Variants in NCAPG2 observed in about 807,000 individuals in gnomAD.
The protein encoded by NCAPG2 is condensin-2 complex subunit G2.
In NCAPG2, 53 loss-of-function variants were observed where a neutral mutation model predicts 141.1. The ratio of observed to expected loss-of-function variants is 0.38; its 90% CI spans 0.30 to 0.47. The LOEUF is 0.47. Among genes scored for constraint, NCAPG2 ranks in the 20% least tolerant of loss-of-function variants. NCAPG2 has a pLI of 0.99. For missense variants in NCAPG2, 1,087 were observed against 1,389.0 expected, an observed-to-expected ratio of 0.78 and a Z score of 3.46; for synonymous variants, 499 against 490.7, an observed-to-expected ratio of 1.02 and a Z score of -0.22.
Position 158,699,622 on chromosome 7 carries a change from C to T in NCAPG2, c.78+2200G>A, listed in dbSNP as rs1017122251. ...CTGCACCCTCCCCAGGCCCACCGTGCTCTCCAATGCTCTGTATTCCCCTCT... is the reference window on the plus strand; with the variant it reads ...CTGCACCCTCCCCAGGCCCACCGTGTTCTCCAATGCTCTGTATTCCCCTCT... On this transcript the variant is annotated intron_variant, in intron 2 of 27. Coordinates refer to ENST00000356309, the MANE Select transcript of NCAPG2 (RefSeq NM_017760.7). 2.0e-5 allele frequency among the ~76,000 whole-genome samples: 3 copies of T among 152,140 alleles called. No individual in the cohort carries two copies. The South Asian group carries it at 6.2e-4, about 32-fold the overall frequency.
In NCAPG2 at chr7:158,645,112, G is replaced by A. The variant is rs1439249128; in HGVS notation, c.3280+407C>T. Among the ~76,000 whole-genome samples, 6 of 152,284 alleles carry A rather than the reference G, an allele frequency of 3.9e-5. No homozygotes were observed. In the East Asian group the frequency reaches 5.8e-4, roughly 15 times the overall value. The stretch of plus-strand genomic sequence containing the variant: ...CAGAATAGGCAAGGCTAAGGCTTAC[G>A]AGAAATAGTAGATAGGTCAAATATT... On this transcript the variant is annotated intron_variant, in intron 26 of 27. Coordinates refer to ENST00000356309, the MANE Select transcript of NCAPG2 (RefSeq NM_017760.7).
At chr7:158,672,243 G>C (rs1169203426) in intron 12 of NCAPG2, among the ~76,000 whole-genome samples, 1 of 135,430 alleles carries the variant, frequency 7.4e-6, no homozygotes, top group Non-Finnish European at 1.5e-5. Flanking sequence ...ATTTTCACAG[G>C]TTTTTATTAA....
At chr7:158,637,845 A>G (rs1352035995) in intron 27 of NCAPG2, among the ~76,000 whole-genome samples, 2 of 152,040 alleles carry the variant, frequency 1.3e-5, no homozygotes, top group African/African-American at 4.8e-5. Context: ...AACTCCCTAT[A>G]AAAATCCCTG....
Position 158,675,606 on chromosome 7 carries a change from A to C in NCAPG2, c.1197T>G (p.Gly399=). The C allele has an allele frequency of 6.2e-7, 1 of 1,613,772 alleles. No homozygotes were observed. The highest frequency in any genetic ancestry group is 8.5e-7 in the Non-Finnish European group (1 of 1,179,946). ...YPMVRSTGIL[G]VCKITSKYWE... is the part of the protein sequence containing the mutation. ...AGTACTTAGAAGTTATTTTACAAAC[A>C]CCAAGGATCCCTGTGGAACGGACCA... is the stretch of plus-strand genomic sequence containing the variant. Residue 399 remains glycine (G), a synonymous_variant, in exon 12 of 28, where the codon GGT becomes GGG. Transcript: ENST00000356309.
intron 13 of NCAPG2, among the ~76,000 whole-genome samples, chr7:158,667,391 T>C (rs9801376): frequency 0.01 from 285 of 27,574 alleles, 42 homozygotes; most frequent in African/African-American, 0.012. Flanking sequence ...TACCCACTAC[T>C]GGGTCCCTCC....
Position 158,671,514 on chromosome 7 carries a change from C to T in NCAPG2, c.1479G>A (p.Lys493=). ...AGTAAAAAAGCCCTATTCATCCTAC[C>T]TTAGCAGCCCTCACAGCTTTGATCT... ...LLKIKAVRAA[K]FWKICPMEHI... is the part of the protein sequence containing the mutation. The change falls in exon 13 of 28, where the codon AAG becomes AAA. Residue 493 remains lysine (K), a splice_region_variant and synonymous_variant. Transcript: ENST00000356309. The T allele has an allele frequency of 6.2e-7, 1 of 1,614,170 alleles. No homozygotes were observed. The highest frequency in any genetic ancestry group is 8.5e-7 in the Non-Finnish European group (1 of 1,180,026).
chr7:158,655,069 A>G (rs776709961), intron 21 of NCAPG2, 49 bp downstream of exon 21: 2 of 1,538,068 alleles, frequency 1.3e-6, no homozygotes, highest in South Asian at 1.2e-5. Context: ...ATCCTGAAAC[A>G]TAACAAACTT....
At chr7:158,675,145 C>T (rs934531700) in intron 12 of NCAPG2, among the ~76,000 whole-genome samples, 1 of 152,166 alleles carries the variant, frequency 6.6e-6, no homozygotes, top group Non-Finnish European at 1.5e-5. Flanking sequence ...TAAAAAATTA[C>T]TTAAGTGAAT....
intron 27 of NCAPG2, among the ~76,000 whole-genome samples, chr7:158,636,470 G>A (rs1351064586): frequency 6.9e-6 from 1 of 143,964 alleles, no homozygotes; most frequent in African/African-American, 2.6e-5. Context: ...GGCTCGATCT[G>A]GGCTCACCGC....
At chr7:158,660,089 C>T (rs1422433845) in intron 16 of NCAPG2, among the ~76,000 whole-genome samples, 4 of 142,168 alleles carry the variant, frequency 2.8e-5, no homozygotes, top group Non-Finnish European at 6.0e-5. Context: ...GCCTGGGCGA[C>T]AGAGCGAGAA....
chr7:158,674,748 G>A (rs1036147122), intron 12 of NCAPG2, among the ~76,000 whole-genome samples: 1 of 152,254 alleles, frequency 6.6e-6, no homozygotes, highest in Non-Finnish European at 1.5e-5. Context: ...CCTGCTTTGT[G>A]CTCAGGGGAG....
intron 11 of NCAPG2, among the ~76,000 whole-genome samples, chr7:158,677,707 CCA>C (rs988687105): frequency 3.3e-5 from 5 of 152,286 alleles, no homozygotes; most frequent in African/African-American, 1.2e-4. Flanking sequence ...GATTCAGTGT[CCA>C]GACCTGTTTG....
intron 16 of NCAPG2, among the ~76,000 whole-genome samples, chr7:158,658,861 T>A (rs957165788): frequency 6.6e-6 from 1 of 151,922 alleles, no homozygotes; most frequent in Non-Finnish European, 1.5e-5. Context: ...AATCAGAATA[T>A]CTTTAGGAAG....
chr7:158,678,219 C>T lies in NCAPG2; in HGVS notation c.1146+1741G>A, dbSNP rs1033206942. Among the ~76,000 whole-genome samples the T allele has an allele frequency of 2.6e-5, 4 of 152,252 alleles. No homozygotes were observed. The South Asian group carries it at 6.2e-4, about 24-fold the overall frequency. On this transcript the variant is annotated intron_variant, in intron 11 of 27. Coordinates refer to ENST00000356309, the MANE Select transcript of NCAPG2 (RefSeq NM_017760.7). ...CAGAGGATACAGGAAATAACCACTGCTCTTACTTATTTATCAGATCACCTC... is the reference window on the plus strand; with the variant it reads ...CAGAGGATACAGGAAATAACCACTGTTCTTACTTATTTATCAGATCACCTC...
At chr7:158,673,437 T>C (rs948249028) in intron 12 of NCAPG2, among the ~76,000 whole-genome samples, 1 of 152,196 alleles carries the variant, frequency 6.6e-6, no homozygotes, top group Non-Finnish European at 1.5e-5. Flanking sequence ...AGAAAATGCC[T>C]TCTTCTTCCC....
At chr7:158,668,229 G>A (rs1587197544) in intron 13 of NCAPG2, 2 of 307,514 alleles carry the variant, frequency 6.5e-6, no homozygotes, top group Non-Finnish European at 3.8e-6. Flanking sequence ...ACCCACTACT[G>A]GGTCCCTCTG....
At position 158,652,451 on chromosome 7, in the gene NCAPG2, G is replaced by A; in HGVS notation, c.2776C>T (p.Leu926Phe). Residue 926 changes from leucine to phenylalanine, a missense_variant, in exon 23 of 28, where the codon CTT (leucine) becomes TTT (phenylalanine). Leu to Phe is a conservative substitution (Grantham distance 22). Transcript: ENST00000356309. ...VKGFFYVSLL[L>F]DILKEITGSS... ...CCAGTTATCTCTTTCAGAATGTCAA[G>A]AAGTAATGAAACATAAAAAAATCCC... 6.2e-7 allele frequency: 1 copy of A among 1,606,302 alleles called. No individual in the cohort carries two copies. The highest frequency in any genetic ancestry group is 1.1e-5 in the South Asian group (1 of 89,106).
At chr7:158,693,179 T>C (rs2129469189) in intron 3 of NCAPG2, 130 bp downstream of exon 3, 1 of 1,038,798 alleles carries the variant, frequency 9.6e-7, no homozygotes, top group East Asian at 2.6e-5. Context: ...TACAACAGAC[T>C]AAACTTCTAA....
chr7:158,631,893 C>T lies in NCAPG2; in HGVS notation c.3381-176G>A, dbSNP rs555485405. Among the ~76,000 whole-genome samples the T allele has an allele frequency of 2.6e-5, 4 of 152,208 alleles. No homozygotes were observed. The South Asian group carries it at 8.3e-4, about 32-fold the overall frequency. On this transcript the variant is annotated intron_variant, in intron 27 of 27. Coordinates refer to ENST00000356309, the MANE Select transcript of NCAPG2 (RefSeq NM_017760.7). ...CTTGTATGTAAAATGGAGTCAGAAT[C>T]CCCACAGCAGTCAGGACACATGGCA...
Sources: gnomAD v4.1 joint callset for allele counts (sites outside exome capture counted in the v4.1 genomes callset) on GRCh38, gnomAD v4.1.1 for gene constraint, MANE v1.5 for transcripts, NCBI Gene and HGNC (gene_info 2026-07-23, HGNC 2026-07-21) for gene names.